TRO: variants seen among roughly 807,000 people sequenced by gnomAD.
TRO encodes the protein MAGE superfamily protein.
A neutral mutation model predicts 42.3 loss-of-function variants in TRO; 29 were observed. The ratio of observed to expected loss-of-function variants is 0.68; its 90% confidence interval spans 0.51 to 0.93. TRO has a LOEUF of 0.93. Among genes scored for constraint, TRO ranks in the 40% least tolerant of loss-of-function variants. The pLI is 0.00. For missense variants in TRO, 963 were observed against 1,127.7 expected (o/e 0.85, Z 2.09); for synonymous variants, 384 against 425.2 (o/e 0.90, Z 1.19).
At chrX:54,928,305 A>T (rs1253593520) in intron 11 of TRO, among the ~76,000 whole-genome samples, 1 of 112,307 alleles carries the variant, frequency 8.9e-6, no homozygotes, top group Non-Finnish European at 1.9e-5. Context: ...ACTGGGTGTT[A>T]GGGATTCAAC....
chrX:54,922,879 G>T lies in TRO; in HGVS notation c.347G>T (p.Ser116Ile). 1 of 1,211,518 alleles carries T rather than the reference G, an allele frequency of 8.3e-7. No homozygotes were observed. The highest frequency in any genetic ancestry group is 1.1e-6 in the Non-Finnish European group (1 of 895,408). ...AACCTGCCAGTCATTACCCAGATCAGCCAGGCTTTACCTACCACTGAGGTA... is the reference window on the plus strand; with the variant it reads ...AACCTGCCAGTCATTACCCAGATCATCCAGGCTTTACCTACCACTGAGGTA... ...ALNLPVITQISQALPTTEVTN... is the reference protein window; with the variant it reads ...ALNLPVITQIIQALPTTEVTN... The change falls in exon 3 of 13, where the codon AGC becomes ATC. Residue 116 changes from serine to isoleucine, a missense_variant. Physicochemically the swap from Ser to Ile is moderately radical, Grantham distance 142 (BLOSUM62 -2). Around this residue, in one of 2 missense-constraint regions of TRO, gnomAD observed 322 missense variants for 316.5 expected, o/e 1.02. Transcript: ENST00000173898.
chrX:54,924,810 T>C, intron 5 of TRO, 77 bp downstream of exon 5: 1 of 1,066,823 alleles, frequency 9.4e-7, no homozygotes, highest in Non-Finnish European at 1.3e-6. Context: ...AGTAACACTT[T>C]ATGGCCTCTT....
chrX:54,923,563 G>A lies in TRO; in HGVS notation c.1031G>A (p.Arg344Gln), dbSNP rs1281194086. ...TLRVKRGSRA[R>Q]KAATKARATE... is the part of the protein sequence containing the mutation. ...CGGGTCAAGAGAGGGTCTAGGGCTC[G>A]GAAGGCTGCCACTAAGGCTCGGGCA... Residue 344 changes from arginine to glutamine, a missense_variant, in exon 3 of 13, where the codon CGG (arginine) becomes CAG (glutamine). Arg to Gln is a conservative substitution (Grantham distance 43). Transcript: ENST00000173898. The A allele has an allele frequency of 5.9e-6, 7 of 1,195,917 alleles. No individual in the cohort carries two copies. The highest frequency in any genetic ancestry group is 3.0e-5 in the East Asian group (1 of 33,340).
At chrX:54,923,999 T>C (rs972348173) in intron 3 of TRO, 23 of 409,841 alleles carry the variant, frequency 5.6e-5, no homozygotes, top group Middle Eastern at 6.4e-4. Context: ...GTAATACTAC[T>C]TGTATTTAAA....
In TRO at chrX:54,928,702, A is replaced by G. The variant is rs2146561759; in HGVS notation, c.1978A>G (p.Arg660Gly). The G allele has an allele frequency of 8.3e-7, 1 of 1,209,449 alleles. No individual in the cohort carries two copies. Among genetic ancestry groups the G allele is most frequent in the East Asian group, 3.0e-5 (1 of 33,835 alleles). ...TGTGGCTGTGGCTGAGGCTGAAGCCAGGGCTGAGGCAAGAGCCCAAATGGG... is the reference window on the plus strand; with the variant it reads ...TGTGGCTGTGGCTGAGGCTGAAGCCGGGGCTGAGGCAAGAGCCCAAATGGG... Reference protein sequence around the residue: ...AAVAVAEAEARAEARAQMGIG... With the variant: ...AAVAVAEAEAGAEARAQMGIG... The change falls in exon 12 of 13, where the codon AGG becomes GGG. Residue 660 changes from arginine to glycine, a missense_variant. By Grantham distance (125) the Arg-to-Gly change is moderately radical. This residue lies in a region of TRO where 641 missense variants were observed against 811.3 expected (regional missense o/e 0.79). Transcript: ENST00000173898.
chrX:54,923,152 A>G lies in TRO; in HGVS notation c.620A>G (p.Lys207Arg), dbSNP rs200395476. The change falls in exon 3 of 13, where the codon AAG (lysine) becomes AGG (arginine). Residue 207 changes from lysine to arginine, a missense_variant. Lys to Arg is a conservative substitution (Grantham distance 26, BLOSUM62 2). Transcript: ENST00000173898. ...ITSIKPKKASKAKKAANKAIA... is the reference protein window; with the variant it reads ...ITSIKPKKASRAKKAANKAIA... The stretch of plus-strand genomic sequence containing the variant: ...TCTATCAAGCCTAAGAAAGCTTCCA[A>G]GGCTAAGAAGGCTGCAAATAAGGCC... 5.8e-6 allele frequency: 7 copies of G among 1,209,692 alleles called. No homozygotes were observed. In the Admixed American group the frequency reaches 1.5e-4, roughly 26 times the overall value.
chrX:54,925,465 C>A lies in TRO; in HGVS notation c.1486-127C>A, dbSNP rs777532976. 5.7e-6 allele frequency: 3 copies of A among 525,392 alleles called. No individual in the cohort carries two copies. The South Asian group carries it at 9.5e-5, about 17-fold the overall frequency. 43.3% of individuals were successfully genotyped at this position (525,392 alleles called of 1,213,427 possible). On this transcript the variant is annotated intron_variant, in intron 6 of 12. Coordinates refer to ENST00000173898, the MANE Select transcript of TRO (RefSeq NM_001039705.3). ...GGCACTTGGCTATGTGCTTTATGTG[C>A]ATTATCTCACTGACTTCTTACACAT...
chrX:54,923,371 T>A lies in TRO; in HGVS notation c.839T>A (p.Val280Asp). 8.3e-7 allele frequency: 1 copy of A among 1,206,293 alleles called. No individual in the cohort carries two copies. Among genetic ancestry groups the A allele is most frequent in the Non-Finnish European group, 1.1e-6 (1 of 892,614 alleles). ...ACTGAGCATATAGAGGCTCTAAATGTCACTGACGCAGCTACCAGGCAGATT... is the reference window on the plus strand; with the variant it reads ...ACTGAGCATATAGAGGCTCTAAATGACACTGACGCAGCTACCAGGCAGATT... ...TDTEHIEALN[V>D]TDAATRQIEA... is the part of the protein sequence containing the mutation. The change falls in exon 3 of 13, where the codon GTC becomes GAC. Residue 280 changes from valine to aspartate, a missense_variant. Val to Asp is a radical substitution (Grantham distance 152). Coordinates refer to ENST00000173898, the MANE Select transcript of TRO (RefSeq NM_001039705.3).
Position 54,923,745 on chromosome X carries a change from A to G in TRO, c.1213A>G (p.Thr405Ala). The G allele has an allele frequency of 8.3e-7, 1 of 1,202,382 alleles. No homozygotes were observed. The highest frequency in any genetic ancestry group is 1.1e-6 in the Non-Finnish European group (1 of 892,135). ...GTTGAGCCTGGAGCCCACAACCAGG[A>G]CCCGGGGCAAAAGAAACCGAAAGGT... ...AQLSLEPTTRTRGKRNRKSKH... is the reference protein window; with the variant it reads ...AQLSLEPTTRARGKRNRKSKH... Residue 405 changes from threonine to alanine, a missense_variant, in exon 3 of 13, where the codon ACC becomes GCC. By Grantham distance (58) the Thr-to-Ala change is moderately conservative. Coordinates refer to ENST00000173898, the MANE Select transcript of TRO (RefSeq NM_001039705.3).
At chrX:54,925,846 A>G (rs764341592) in intron 7 of TRO, among the ~76,000 whole-genome samples, 163 bp downstream of exon 7, 1 of 112,157 alleles carries the variant, frequency 8.9e-6, no homozygotes, top group Admixed American at 9.5e-5. Context: ...TGCTCACAGT[A>G]GTGGCACCTG....
At chrX:54,928,364 G>A (rs986642587) in intron 11 of TRO, among the ~76,000 whole-genome samples, 1 of 111,784 alleles carries the variant, frequency 8.9e-6, no homozygotes. Flanking sequence ...ACATATTTAC[G>A]CTCTATCATT....
At chrX:54,923,928 C>T in intron 3 of TRO, 160 bp downstream of exon 3, 1 of 548,187 alleles carries the variant, frequency 1.8e-6, no homozygotes, top group African/African-American at 2.3e-5. Context: ...GTTTCTGCTC[C>T]CTAGCAGTTC....
chrX:54,921,808 G>A (rs945953216), intron 1 of TRO, among the ~76,000 whole-genome samples: 4 of 110,207 alleles, frequency 3.6e-5, no homozygotes, highest in Non-Finnish European at 7.6e-5. Flanking sequence ...TCGGGGTGGC[G>A]CCAAGATGTT....
intron 11 of TRO, among the ~76,000 whole-genome samples, chrX:54,928,319 C>T (rs1467020113): frequency 8.9e-6 from 1 of 112,008 alleles, no homozygotes; most frequent in African/African-American, 3.2e-5. Context: ...ATTCAACATA[C>T]GAATTTGGGG....
rs777563642 is a variant in TRO, at chrX:54,923,457, G to A, written c.925G>A (p.Gly309Ser). 1.2e-5 allele frequency: 14 copies of A among 1,189,767 alleles called. No individual in the cohort carries two copies. The highest frequency in any genetic ancestry group is 3.7e-5 in the South Asian group (2 of 54,170). ...CAAGGGCAAGAAGGCTGCCAGCAGG[G>A]GCCCAAATTCTGTCTCTGAGATCTC... ...KSKGKKAASR[G>S]PNSVSEISEA... The change falls in exon 3 of 13, where the codon GGC becomes AGC. Residue 309 changes from glycine to serine, a missense_variant. Transcript: ENST00000173898.
In TRO at chrX:54,929,628, C is replaced by T; in HGVS notation, c.2904C>T (p.Gly968=). Residue 968 remains glycine, a synonymous_variant, in exon 12 of 13, where the codon GGC becomes GGT. Transcript: ENST00000173898. ...ATGGCTCTCCCAGCACTGGTGCTGG[C>T]TTTGGTGGTGCTCTCAACACCAGTG... ...CFDGSPSTGA[G]FGGALNTSAS... 1 of 1,211,724 alleles carries T rather than the reference C, an allele frequency of 8.3e-7. No individual in the cohort carries two copies.
chrX:54,922,589 T>C lies in TRO; in HGVS notation c.57T>C (p.Pro19=), dbSNP rs1328851184. 1 of 1,206,887 alleles carries C rather than the reference T, an allele frequency of 8.3e-7. No individual in the cohort carries two copies. The highest frequency in any genetic ancestry group is 1.1e-6 in the Non-Finnish European group (1 of 893,127). Residue 19 remains proline (P), a synonymous_variant, in exon 3 of 13, where the codon CCT becomes CCC. Coordinates refer to ENST00000173898, the MANE Select transcript of TRO (RefSeq NM_001039705.3). The stretch of plus-strand genomic sequence containing the variant: ...TCCTAAGTGTGTAGGGCCCTCTGCC[T>C]CCCCCGGGGAGCCTGGGGCTTCCCT... ...YRVPLFQGPL[P]PPGSLGLPFP...
chrX:54,931,119 G>A, intron 12 of TRO, 85 bp from the exon 13 acceptor site: 2 of 1,189,159 alleles, frequency 1.7e-6, no homozygotes, highest in Admixed American at 2.2e-5. Flanking sequence ...CAGGACAGCA[G>A]GGTGGAAAGG....
In TRO at chrX:54,930,341, A is replaced by G. The variant is rs1569546469; in HGVS notation, c.3617A>G (p.Asn1206Ser). 3.3e-6 allele frequency: 4 copies of G among 1,210,651 alleles called. No homozygotes were observed. The highest frequency in any genetic ancestry group is 4.5e-6 in the Non-Finnish European group (4 of 895,107). Residue 1206 changes from asparagine (N) to serine (S), a missense_variant, in exon 12 of 13, where the codon AAT (asparagine) becomes AGT (serine). By Grantham distance (46) the Asn-to-Ser change is conservative. Around this residue, in one of 2 missense-constraint regions of TRO, gnomAD observed 641 missense variants for 811.3 expected, o/e 0.79. Coordinates refer to ENST00000173898, the MANE Select transcript of TRO (RefSeq NM_001039705.3). The part of the protein sequence containing the change: ...GFSFGNGLST[N>S]AGFGGGLNTS... ...AGCTTTGGCAATGGGTTAAGCACCA[A>G]TGCTGGATTTGGTGGTGGACTGAAC... is the stretch of plus-strand genomic sequence containing the variant.
Sources: gnomAD v4.1 joint callset for allele counts (sites outside exome capture counted in the v4.1 genomes callset) on GRCh38, gnomAD v4.1.1 for gene constraint, gnomAD v4.1.1 regional missense constraint, MANE v1.5 for transcripts, NCBI Gene and HGNC (gene_info 2026-07-23, HGNC 2026-07-21) for gene names.